The following ATP2C2 variants were observed in gnomAD, a reference collection of about 807,000 sequenced individuals.
ATP2C2 encodes ATPase secretory pathway Ca2+ transporting 2.
A neutral mutation model predicts 110.8 loss-of-function variants in ATP2C2; 171 were observed. That is an observed-to-expected ratio of 1.54 (90% CI 1.36 to 1.75). ATP2C2 has a LOEUF of 1.75. Ranked by LOEUF, ATP2C2 falls within the 40% of genes most tolerant of loss-of-function variation. The pLI is 0.00. For missense variants in ATP2C2, 1,963 were observed against 1,235.0 expected (o/e 1.59, Z -8.84); for synonymous variants, 804 against 508.4 (o/e 1.58, Z -7.82).
chr16:84,399,026 CT>C (rs1905160805), intron 2 of ATP2C2, among the ~76,000 whole-genome samples: 1 of 152,248 alleles, frequency 6.6e-6, no homozygotes, highest in Admixed American at 6.5e-5. Flanking sequence ...CCACCGTCGT[CT>C]TTTATAATCC....
At chr16:84,452,129 C>G (rs774395463) in intron 18 of ATP2C2, 38 bp downstream of exon 18, 1 of 1,608,430 alleles carries the variant, frequency 6.2e-7, no homozygotes, top group South Asian at 1.1e-5. Flanking sequence ...ACGAAAGGAC[C>G]CATCCATCCT....
chr16:84,399,782 T>C (rs1032039085), intron 2 of ATP2C2, among the ~76,000 whole-genome samples: 2 of 152,158 alleles, frequency 1.3e-5, no homozygotes, highest in South Asian at 2.1e-4. Context: ...CTTACACTCT[T>C]TGAGTTATTT....
At chr16:84,375,632 C>G (rs139838665) in intron 1 of ATP2C2, among the ~76,000 whole-genome samples, 50 of 152,188 alleles carry the variant, frequency 3.3e-4, no homozygotes, top group African/African-American at 1.1e-3. Flanking sequence ...GTGGATTCCA[C>G]GATTCTTTTG....
chr16:84,452,790 C>T (rs551380746), intron 18 of ATP2C2, among the ~76,000 whole-genome samples: 14 of 152,230 alleles, frequency 9.2e-5, no homozygotes, highest in East Asian at 5.8e-4. Context: ...TGAGCCACTG[C>T]GCCCAGCCCC....
chr16:84,440,806 G>T, intron 13 of ATP2C2, 51 bp from the exon 14 acceptor site: 2 of 1,418,126 alleles, frequency 1.4e-6, no homozygotes, highest in South Asian at 1.2e-5. Flanking sequence ...CCAACTGGGG[G>T]AGCATGTTTT....
chr16:84,397,670 A>AAAAAAAAAAAAAAAAAAAAACAAAC (rs1555553736), intron 1 of ATP2C2, among the ~76,000 whole-genome samples: 1 of 145,794 alleles, frequency 6.9e-6, no homozygotes, highest in Non-Finnish European at 1.5e-5. Flanking sequence ...AAAAAAAAAA[A>AAAAAAAAAAAAAAAAAAAAACAAAC]AAACTTGCTT....
chr16:84,454,849 T>C lies in ATP2C2; in HGVS notation c.2012T>C (p.Met671Thr). Residue 671 changes from methionine (M) to threonine (T), a missense_variant, in exon 21 of 27, where the codon ATG (methionine) becomes ACG (threonine). Coordinates refer to ENST00000262429, the MANE Select transcript of ATP2C2 (RefSeq NM_014861.4). Reference protein sequence around the residue: ...ALQESGAIVAMTGDGVNDAVA... With the variant: ...ALQESGAIVATTGDGVNDAVA... ...CAGGAGTCAGGGGCGATCGTGGCCA[T>C]GACTGGGGATGGGGTGAACGACGCA... The C allele has an allele frequency of 6.2e-7, 1 of 1,612,586 alleles. No individual in the cohort carries two copies. The highest frequency in any genetic ancestry group is 8.5e-7 in the Non-Finnish European group (1 of 1,179,318).
chr16:84,451,464 T>A (rs182493961), intron 17 of ATP2C2, among the ~76,000 whole-genome samples: 1 of 152,328 alleles, frequency 6.6e-6, no homozygotes, highest in East Asian at 1.9e-4. Flanking sequence ...GCTGGAGGCA[T>A]CTCTGCCCTC....
At chr16:84,415,869 C>A (rs549666406) in intron 7 of ATP2C2, among the ~76,000 whole-genome samples, 2 of 152,280 alleles carry the variant, frequency 1.3e-5, no homozygotes, top group African/African-American at 4.8e-5. Context: ...CAAATTAAAC[C>A]AAGGTGGGCT....
intron 3 of ATP2C2, among the ~76,000 whole-genome samples, chr16:84,408,101 C>T (rs373794394): frequency 5.1e-4 from 77 of 152,236 alleles, no homozygotes; most frequent in Middle Eastern, 6.8e-3. Context: ...GGCATCTTGC[C>T]GAAAGTCCCG....
chr16:84,440,618 C>G (rs762530687), intron 13 of ATP2C2, among the ~76,000 whole-genome samples: 2 of 152,234 alleles, frequency 1.3e-5, no homozygotes, highest in Non-Finnish European at 2.9e-5. Flanking sequence ...ATCACTTGTA[C>G]TGGCTGCAGA....
At position 84,461,994 on chromosome 16, in the gene ATP2C2, C is replaced by G. The variant is rs748032470; in HGVS notation, c.2587C>G (p.Leu863Val). Residue 863 changes from leucine to valine, a missense_variant, in exon 26 of 27, where the codon CTG becomes GTG. Coordinates refer to ENST00000262429, the MANE Select transcript of ATP2C2 (RefSeq NM_014861.4). ...NALTCRSQTK[L>V]IFEIGFLRNH... Reference sequence around the variant, plus strand: ...TGTGACCTTCTCCCTGCAGACCAAGCTGATATTTGAGATCGGCTTTCTCAG... The same window carrying G: ...TGTGACCTTCTCCCTGCAGACCAAGGTGATATTTGAGATCGGCTTTCTCAG... The G allele has an allele frequency of 3.1e-6, 5 of 1,613,500 alleles. No individual in the cohort carries two copies. The highest frequency in any genetic ancestry group is 4.2e-6 in the Non-Finnish European group (5 of 1,179,530).
chr16:84,372,452 G>A (rs771280957), intron 1 of ATP2C2, among the ~76,000 whole-genome samples: 1 of 151,964 alleles, frequency 6.6e-6, no homozygotes, highest in African/African-American at 2.4e-5. Flanking sequence ...TTTTTCTTTC[G>A]AGACAGTGTC....
At position 84,405,125 on chromosome 16, in the gene ATP2C2, C is replaced by T. The variant is rs1172147755; in HGVS notation, c.211-3C>T. 6.2e-7 allele frequency: 1 copy of T among 1,613,312 alleles called. No homozygotes were observed. The highest frequency in any genetic ancestry group is 1.3e-5 in the African/African-American group (1 of 74,902). On this transcript the variant is annotated splice_polypyrimidine_tract_variant and splice_region_variant and intron_variant, in intron 2 of 26. Coordinates refer to ENST00000262429, the MANE Select transcript of ATP2C2 (RefSeq NM_014861.4). ...TGAGCTTGTGCCTGACCTCTCCTTC[C>T]AGGTGGACTTACACACTGGGCTGTC...
intron 7 of ATP2C2, among the ~76,000 whole-genome samples, chr16:84,417,792 C>G (rs576774975): frequency 6.6e-6 from 1 of 152,322 alleles, no homozygotes; most frequent in African/African-American, 2.4e-5. Context: ...GCTGTGAACA[C>G]TCTATGGATT....
intron 1 of ATP2C2, among the ~76,000 whole-genome samples, chr16:84,391,986 G>C (rs1361849600): frequency 7.0e-6 from 1 of 142,058 alleles, no homozygotes; most frequent in Admixed American, 7.2e-5. Flanking sequence ...TTTTTAATTT[G>C]ATGACATATC....
At chr16:84,429,973 C>A (rs550231090) in intron 11 of ATP2C2, among the ~76,000 whole-genome samples, 1 of 152,138 alleles carries the variant, frequency 6.6e-6, no homozygotes, top group Non-Finnish European at 1.5e-5. Context: ...AGATATCTTG[C>A]CTCTAGTCTC....
chr16:84,439,566 G>C, intron 13 of ATP2C2, 42 bp downstream of exon 13: 1 of 1,568,722 alleles, frequency 6.4e-7, no homozygotes. Context: ...GATGCACCCA[G>C]CCAGGCTGTC....
At chr16:84,385,283 G>T (rs749478874) in intron 1 of ATP2C2, among the ~76,000 whole-genome samples, 1 of 151,836 alleles carries the variant, frequency 6.6e-6, no homozygotes, top group Non-Finnish European at 1.5e-5. Flanking sequence ...TTTAAATGAC[G>T]AGATCTCACG....
Sources: allele counts gnomAD v4.1 joint callset (sites outside exome capture counted in the v4.1 genomes callset), GRCh38; gene constraint gnomAD v4.1.1; transcripts MANE v1.5; gene names NCBI Gene and HGNC (gene_info 2026-07-23, HGNC 2026-07-21).